The following PPP1R14C variants were observed in gnomAD, a reference collection of about 807,000 sequenced individuals.
PPP1R14C encodes protein phosphatase 1 regulatory inhibitor subunit 14C.
A neutral mutation model predicts 20.4 loss-of-function variants in PPP1R14C; 16 were observed. The observed-to-expected ratio is 0.78, with a 90% CI of 0.53 to 1.19. PPP1R14C has a LOEUF of 1.19. Among genes scored for constraint, PPP1R14C ranks in the 50% most tolerant of loss-of-function variants. The pLI is 0.00. For missense variants in PPP1R14C, 211 were observed against 220.1 expected, an observed-to-expected ratio of 0.96 and a Z score of 0.26; for synonymous variants, 91 against 91.0, an observed-to-expected ratio of 1.00 and a Z score of 0.00.
At chr6:150,210,132 A>T (rs1044747544) in intron 1 of PPP1R14C, among the ~76,000 whole-genome samples, 6 of 152,114 alleles carry the variant, frequency 3.9e-5, no homozygotes, top group African/African-American at 9.7e-5. Context: ...TGGCATGCCC[A>T]GCGCCAGGTT....
intron 1 of PPP1R14C, among the ~76,000 whole-genome samples, chr6:150,205,224 G>T (rs953895276): frequency 6.6e-6 from 1 of 152,066 alleles, no homozygotes; most frequent in Non-Finnish European, 1.5e-5. Context: ...CTAGTTCCTT[G>T]TTGCTTTGCC....
intron 1 of PPP1R14C, among the ~76,000 whole-genome samples, chr6:150,153,313 G>A (rs1384471946): frequency 1.3e-5 from 2 of 152,202 alleles, no homozygotes; most frequent in Non-Finnish European, 2.9e-5. Context: ...TTGAAGTTAT[G>A]GTTCTTTTTC....
At chr6:150,166,183 C>G (rs1777420418) in intron 1 of PPP1R14C, among the ~76,000 whole-genome samples, 1 of 152,016 alleles carries the variant, frequency 6.6e-6, no homozygotes, top group Non-Finnish European at 1.5e-5. Context: ...CGGATTCATG[C>G]CATTCTCCTG....
At chr6:150,222,914 G>T (rs573644829) in intron 3 of PPP1R14C, among the ~76,000 whole-genome samples, 1 of 151,418 alleles carries the variant, frequency 6.6e-6, no homozygotes, top group African/African-American at 2.4e-5. Flanking sequence ...GATTACAGGC[G>T]CGTGCCACCA....
rs376923398 is a variant in PPP1R14C at position 150,227,403 on chromosome 6, T to G, written c.423+10547T>G. Among the ~76,000 whole-genome samples, 503 of 152,276 alleles carry G rather than the reference T, an allele frequency of 3.3e-3. 5 individuals carry two copies. The highest frequency in any genetic ancestry group is 0.011 in the African/African-American group (473 of 41,554). On this transcript the variant is annotated intron_variant, in intron 3 of 3. Transcript: ENST00000361131. ...TGGAAATTTAAATGTTCAAAGAACA[T>G]TTAGGAATGAAAGGACAGAAATGTC...
Position 150,248,869 on chromosome 6 carries a change from A to T in PPP1R14C, c.*49A>T. On this transcript the variant is annotated 3_prime_UTR_variant, in exon 4 of 4. Transcript: ENST00000361131. ...CCAGAGACGAAGAAAGAGTCCTGGG[A>T]TTTGTACTTCATGAAGACTTTTGTG... 8.1e-7 allele frequency: 1 copy of T among 1,239,092 alleles called. No individual in the cohort carries two copies. Among genetic ancestry groups the T allele is most frequent in the South Asian group, 1.3e-5 (1 of 75,574 alleles). 76.8% of individuals were successfully genotyped at this position (1,239,092 alleles called of 1,614,324 possible).
intron 1 of PPP1R14C, among the ~76,000 whole-genome samples, chr6:150,153,533 A>G (rs942603930): frequency 2.6e-5 from 4 of 152,260 alleles, no homozygotes; most frequent in Non-Finnish European, 4.4e-5. Flanking sequence ...ATGCTTGTGC[A>G]AGGAAGTAGC....
intron 3 of PPP1R14C, among the ~76,000 whole-genome samples, chr6:150,229,198 C>T (rs941317530): frequency 6.6e-6 from 1 of 152,046 alleles, no homozygotes; most frequent in African/African-American, 2.4e-5. Flanking sequence ...CCCAAAAGCC[C>T]GGAAATGGGT....
At chr6:150,182,844 G>A (rs1244137959) in intron 1 of PPP1R14C, among the ~76,000 whole-genome samples, 1 of 152,208 alleles carries the variant, frequency 6.6e-6, no homozygotes, top group Non-Finnish European at 1.5e-5. Flanking sequence ...CACACGCCTA[G>A]ATGGTACAGC....
chr6:150,241,363 C>G (rs1349329567), intron 3 of PPP1R14C, among the ~76,000 whole-genome samples: 2 of 152,182 alleles, frequency 1.3e-5, no homozygotes. Flanking sequence ...TTATCACATC[C>G]TTTATTAATG....
intron 3 of PPP1R14C, among the ~76,000 whole-genome samples, chr6:150,242,129 A>AC (rs1554221826): frequency 0.028 from 4,208 of 151,972 alleles, 184 homozygotes; most frequent in African/African-American, 0.096. Context: ...AAACAAAACA[A>AC]AACAACAACA....
intron 1 of PPP1R14C, among the ~76,000 whole-genome samples, chr6:150,166,332 G>A (rs964130349): frequency 6.6e-6 from 1 of 151,928 alleles, no homozygotes; most frequent in Non-Finnish European, 1.5e-5. Context: ...TACCCGCCTC[G>A]GCCTCCCAAA....
intron 1 of PPP1R14C, among the ~76,000 whole-genome samples, chr6:150,189,649 C>T (rs888553837): frequency 6.6e-6 from 1 of 151,914 alleles, no homozygotes; most frequent in Admixed American, 6.6e-5. Flanking sequence ...TGGCTAAACT[C>T]GTCATTTTGA....
chr6:150,247,676 G>T (rs1026385207), intron 3 of PPP1R14C, among the ~76,000 whole-genome samples: 23 of 152,218 alleles, frequency 1.5e-4, no homozygotes, highest in Non-Finnish European at 5.9e-5. Flanking sequence ...TTTTGGTGTG[G>T]TTTTTTTATC....
chr6:150,216,535 A>G (rs1306995570), intron 2 of PPP1R14C, among the ~76,000 whole-genome samples: 2 of 150,906 alleles, frequency 1.3e-5, no homozygotes, highest in Non-Finnish European at 2.9e-5. Context: ...CAAGGGTTAT[A>G]TTTTGTTTTC....
chr6:150,189,122 G>A (rs147648580), intron 1 of PPP1R14C, among the ~76,000 whole-genome samples: 1 of 152,134 alleles, frequency 6.6e-6, no homozygotes, highest in Admixed American at 6.5e-5. Context: ...GCATCTCAAA[G>A]TGCTGGGATT....
At chr6:150,248,594 A>T in intron 3 of PPP1R14C, 152 bp from the exon 4 acceptor site, 1 of 520,244 alleles carries the variant, frequency 1.9e-6, no homozygotes, top group East Asian at 2.9e-5. Context: ...ATTTGTTTTT[A>T]AAAATCCTGT....
chr6:150,156,466 C>G (rs1025225145), intron 1 of PPP1R14C, among the ~76,000 whole-genome samples: 1 of 152,150 alleles, frequency 6.6e-6, no homozygotes, highest in South Asian at 2.1e-4. Context: ...ATGTCAATAG[C>G]GCACACATTG....
intron 1 of PPP1R14C, among the ~76,000 whole-genome samples, chr6:150,165,733 G>C (rs1777415184): frequency 6.6e-6 from 1 of 152,088 alleles, no homozygotes; most frequent in African/African-American, 2.4e-5. Context: ...TAAAATTTTT[G>C]TGTGTGACAG....
Sources: allele counts gnomAD v4.1 joint callset (sites outside exome capture counted in the v4.1 genomes callset), GRCh38; gene constraint gnomAD v4.1.1; transcripts MANE v1.5; gene names NCBI Gene and HGNC (gene_info 2026-07-23, HGNC 2026-07-21).